The following CMC2 variants were observed in gnomAD, a reference collection of about 807,000 sequenced individuals.
CMC2 encodes C-X9-C motif containing 2, also known as COX assembly mitochondrial protein 2 homolog.
A neutral mutation model predicts 7.5 loss-of-function variants in CMC2; 5 were observed. The ratio of observed to expected loss-of-function variants is 0.66; its 90% CI spans 0.35 to 1.40. The LOEUF (loss-of-function observed/expected upper bound fraction) is 1.40. CMC2 is among the 40% of genes most tolerant of loss of function. The pLI, the probability that CMC2 is intolerant of heterozygous loss-of-function variation, is 0.04. For missense variants in CMC2, 115 were observed against 92.3 expected, an observed-to-expected ratio of 1.25 and a Z score of -1.01; for synonymous variants, 37 against 31.4, an observed-to-expected ratio of 1.18 and a Z score of -0.60.
chr16:80,999,124 C>T (rs948398111), intron 1 of CMC2, among the ~76,000 whole-genome samples: 6 of 152,058 alleles, frequency 3.9e-5, no homozygotes, highest in Non-Finnish European at 7.4e-5. Flanking sequence ...AAAAGGCATC[C>T]GAATAAGAAA....
intron 2 of CMC2, among the ~76,000 whole-genome samples, chr16:80,987,677 A>T (rs1345953100): frequency 6.6e-6 from 1 of 152,216 alleles, no homozygotes; most frequent in Non-Finnish European, 1.5e-5. Flanking sequence ...AAAAGCACGG[A>T]AAGAATGATA....
At chr16:80,992,495 G>A (rs182374738) in intron 2 of CMC2, among the ~76,000 whole-genome samples, 48 of 152,282 alleles carry the variant, frequency 3.2e-4, no homozygotes, top group Admixed American at 7.2e-4. Context: ...AGGGTATACA[G>A]TGTTGCCAAC....
chr16:80,997,373 G>C lies in CMC2; in HGVS notation c.22C>G (p.His8Asp), dbSNP rs1010350758. Residue 8 changes from histidine to aspartate, a missense_variant, in exon 2 of 4, where the codon CAC (histidine) becomes GAC (aspartate). By Grantham distance (81) the His-to-Asp change is moderately conservative. Transcript: ENST00000219400. Reference protein sequence around the residue: MHPDLSPHLHTEECNVLI... With the variant: MHPDLSPDLHTEECNVLI... ...ACGTTGCATTCTTCAGTGTGCAAGT[G>C]TGGAGATAAGTCAGGATGCATCTTT... is the stretch of plus-strand genomic sequence containing the variant. 1.2e-6 allele frequency: 2 copies of C among 1,610,388 alleles called. No individual in the cohort carries two copies. The highest frequency in any genetic ancestry group is 2.7e-5 in the African/African-American group (2 of 74,788).
chr16:80,982,850 AT>A (rs1213936335), intron 2 of CMC2: 1 of 156,174 alleles, frequency 6.4e-6, no homozygotes, highest in Non-Finnish European at 1.4e-5. Flanking sequence ...GTTTACTGTA[AT>A]AACCATAAAA....
rs546185710 is a variant in CMC2, at chr16:80,973,326, T to C, written c.*2767A>G. 54 of 152,318 alleles carry C rather than the reference T, an allele frequency of 3.5e-4. No homozygotes were observed. The highest frequency in any genetic ancestry group is 1.3e-3 in the African/African-American group (52 of 41,572). 9.4% of individuals were successfully genotyped at this position (152,318 alleles called of 1,614,324 possible). On this transcript the variant is annotated 3_prime_UTR_variant, in exon 4 of 4. Coordinates refer to ENST00000219400, the MANE Select transcript of CMC2 (RefSeq NM_020188.5). ...CTCAAACGGTATCAGCCCTAGTGAT[T>C]TGGTGCCTTCTACCAAACTACGGAG...
chr16:80,974,656 T>A lies in CMC2; in HGVS notation c.*1437A>T, dbSNP rs960387340. 6.6e-6 allele frequency: 1 copy of A among 152,236 alleles called. No homozygotes were observed. Among genetic ancestry groups the A allele is most frequent in the Non-Finnish European group, 1.5e-5 (1 of 68,042 alleles). The allele number at this position is 152,236 out of a possible 1,614,324, so 9.4% of individuals were successfully genotyped here. ...GACTGAACATGAAAGTCCTCTGTCTTCTATGACATCTACCTAATCATGGCA... is the reference window on the plus strand; with the variant it reads ...GACTGAACATGAAAGTCCTCTGTCTACTATGACATCTACCTAATCATGGCA... On this transcript the variant is annotated 3_prime_UTR_variant, in exon 4 of 4. Transcript: ENST00000219400.
intron 3 of CMC2, among the ~76,000 whole-genome samples, chr16:80,976,482 A>ATTT (rs1204307085): frequency 2.0e-5 from 3 of 152,248 alleles, no homozygotes; most frequent in Non-Finnish European, 4.4e-5. Context: ...AATTTGAATT[A>ATTT]AATAAGTACT....
chr16:80,973,418 T>C lies in CMC2; in HGVS notation c.*2675A>G, dbSNP rs1188063746. 6.6e-6 allele frequency: 1 copy of C among 152,190 alleles called. No homozygotes were observed. The highest frequency in any genetic ancestry group is 1.9e-4 in the East Asian group (1 of 5,198). The allele number at this position is 152,190 out of a possible 1,614,324, so 9.4% of individuals were successfully genotyped here. On this transcript the variant is annotated 3_prime_UTR_variant, in exon 4 of 4. Transcript: ENST00000219400. ...AAACAATATTGAGGGGGCCCTTACTTTGTGCCAGATAATCTATCACATACA... is the reference window on the plus strand; with the variant it reads ...AAACAATATTGAGGGGGCCCTTACTCTGTGCCAGATAATCTATCACATACA...
In CMC2 at chr16:80,968,117, GAGTCTA is replaced by G. The variant is rs1911680762; in HGVS notation, c.*7970_*7975del. ...TTATGGAAGGCAGTTACATCAGAAA[GAGTCTA>G]AGTCAATGCTTCTCCAATTTTTATA... On this transcript the variant is annotated 3_prime_UTR_variant, in exon 4 of 4. Coordinates refer to ENST00000219400, the MANE Select transcript of CMC2 (RefSeq NM_020188.5). The G allele has an allele frequency of 6.6e-6, 1 of 152,200 alleles. No homozygotes were observed. Among genetic ancestry groups the G allele is most frequent in the Admixed American group, 6.5e-5 (1 of 15,290 alleles). The allele number at this position is 152,200 out of a possible 1,614,324, so 9.4% of individuals were successfully genotyped here.
At chr16:80,992,703 T>TA in intron 2 of CMC2, among the ~76,000 whole-genome samples, 2 of 74,754 alleles carry the variant, frequency 2.7e-5, no homozygotes, top group African/African-American at 4.8e-5. Context: ...TTATTCCCCC[T>TA]CCTTTTTTTT....
chr16:80,988,146 C>T (rs1013863019), intron 2 of CMC2, among the ~76,000 whole-genome samples: 15 of 152,100 alleles, frequency 9.9e-5, no homozygotes, highest in African/African-American at 2.4e-4. Context: ...ATTGTGCCAC[C>T]GCACTCGAGC....
rs1460556733 is a variant in CMC2 at position 80,967,001 on chromosome 16, T to G, written c.*9092A>C. On this transcript the variant is annotated 3_prime_UTR_variant, in exon 4 of 4. Coordinates refer to ENST00000219400, the MANE Select transcript of CMC2 (RefSeq NM_020188.5). ...CTACAGAAAAAGAAAATGTAAATTT[T>G]AAAGTCCTTTGGGCTACTTCAACAC... 1 of 152,242 alleles carries G rather than the reference T, an allele frequency of 6.6e-6. No individual in the cohort carries two copies. Among genetic ancestry groups the G allele is most frequent in the Non-Finnish European group, 1.5e-5 (1 of 68,044 alleles). The allele number at this position is 152,242 out of a possible 1,614,324, so 9.4% of individuals were successfully genotyped here.
chr16:80,977,196 A>T (rs1912494825), intron 3 of CMC2, among the ~76,000 whole-genome samples: 1 of 152,170 alleles, frequency 6.6e-6, no homozygotes, highest in South Asian at 2.1e-4. Context: ...TATGTTTCTT[A>T]ATCAGCTACA....
rs543376126 is a variant in CMC2 at position 80,975,124 on chromosome 16, C to G, written c.*969G>C. The G allele has an allele frequency of 2.6e-5, 4 of 152,344 alleles. No individual in the cohort carries two copies. The highest frequency in any genetic ancestry group is 5.9e-5 in the Non-Finnish European group (4 of 68,132). 9.4% of individuals were successfully genotyped at this position (152,344 alleles called of 1,614,324 possible). ...TCAGAAACACTTGGCAGAAGGAACA[C>G]TGGTGAAATGACTGCTAGAATTGGG... On this transcript the variant is annotated 3_prime_UTR_variant, in exon 4 of 4. Coordinates refer to ENST00000219400, the MANE Select transcript of CMC2 (RefSeq NM_020188.5).
intron 3 of CMC2, among the ~76,000 whole-genome samples, chr16:80,978,734 G>C (rs1188612909): frequency 6.6e-6 from 1 of 151,856 alleles, no homozygotes; most frequent in African/African-American, 2.4e-5. Context: ...AAGAATAAAA[G>C]GAGTGACACA....
chr16:80,969,318 C>G lies in CMC2; in HGVS notation c.*6775G>C, dbSNP rs1328638413. On this transcript the variant is annotated 3_prime_UTR_variant, in exon 4 of 4. Coordinates refer to ENST00000219400, the MANE Select transcript of CMC2 (RefSeq NM_020188.5). ...ATGTGGAAAGCAGCACAGGGAGGCA[C>G]AAGGTACCTGAACCAACTAAGGACC... The G allele has an allele frequency of 6.6e-6, 1 of 152,396 alleles. No individual in the cohort carries two copies. The highest frequency in any genetic ancestry group is 1.5e-5 in the Non-Finnish European group (1 of 68,236). The allele number at this position is 152,396 out of a possible 1,614,324, so 9.4% of individuals were successfully genotyped here.
chr16:80,995,862 T>C (rs1267184547), intron 2 of CMC2, among the ~76,000 whole-genome samples: 3 of 152,178 alleles, frequency 2.0e-5, no homozygotes, highest in Non-Finnish European at 2.9e-5. Flanking sequence ...TATCTATATA[T>C]GACAAAACTC....
At chr16:81,001,498 T>C (rs1968862904) in intron 1 of CMC2, among the ~76,000 whole-genome samples, 1 of 152,150 alleles carries the variant, frequency 6.6e-6, no homozygotes, top group Non-Finnish European at 1.5e-5. Context: ...AGTTACTGTT[T>C]AACAAGCAGT....
At chr16:80,999,421 A>G (rs866790545) in intron 1 of CMC2, among the ~76,000 whole-genome samples, 5 of 152,354 alleles carry the variant, frequency 3.3e-5, no homozygotes, top group South Asian at 4.1e-4. Context: ...CAGATGACAC[A>G]AACAAATAGA....
Sources: allele counts gnomAD v4.1 joint callset (sites outside exome capture counted in the v4.1 genomes callset), GRCh38; gene constraint gnomAD v4.1.1; transcripts MANE v1.5; gene names NCBI Gene and HGNC (gene_info 2026-07-23, HGNC 2026-07-21).